Variants in CFAP53 observed in about 807,000 individuals in gnomAD.
CFAP53 encodes cilia- and flagella-associated protein 53.
In CFAP53, 62 loss-of-function variants were observed where a neutral mutation model predicts 59.7. That is an observed-to-expected ratio of 1.04 (90% CI 0.85 to 1.28). The LOEUF (loss-of-function observed/expected upper bound fraction) is 1.28, where lower values mean the gene tolerates loss of function less well. Among genes scored for constraint, CFAP53 ranks in the 50% most tolerant of loss-of-function variants. The pLI, the probability that CFAP53 is intolerant of heterozygous loss-of-function variation, is 0.00. For synonymous variants in CFAP53, 218 were observed against 205.7 expected, an observed-to-expected ratio of 1.06 and a Z score of -0.51; for missense variants, 629 against 615.6, an observed-to-expected ratio of 1.02 and a Z score of -0.23.
chr18:50,243,685 C>G (rs569551701), intron 5 of CFAP53, among the ~76,000 whole-genome samples: 5 of 152,304 alleles, frequency 3.3e-5, no homozygotes, highest in South Asian at 2.1e-4. Context: ...GGCTCAGTGG[C>G]TCAAGCCTGT....
At chr18:50,240,872 C>A (rs921019560) in intron 6 of CFAP53, among the ~76,000 whole-genome samples, 2 of 152,210 alleles carry the variant, frequency 1.3e-5, no homozygotes, top group East Asian at 1.9e-4. Context: ...GTGTTTATTG[C>A]CGCTCTGGTC....
At chr18:50,238,252 T>C (rs975513124) in intron 7 of CFAP53, among the ~76,000 whole-genome samples, 1 of 152,190 alleles carries the variant, frequency 6.6e-6, no homozygotes, top group East Asian at 1.9e-4. Flanking sequence ...GTTGAAAATC[T>C]GTTTTAGTTT....
Position 50,251,741 on chromosome 18 carries a change from G to C in CFAP53, c.517C>G (p.Gln173Glu). 2 of 1,614,160 alleles carry C rather than the reference G, an allele frequency of 1.2e-6. No homozygotes were observed. The highest frequency in any genetic ancestry group is 8.5e-7 in the Non-Finnish European group (1 of 1,180,054). ...ELRVELLSIH[Q>E]KKVCEERKAQ... ...TTCCGCTCCTCACACACCTTCTTCT[G>C]ATGGATAGATAACAATTCAACACGG... The change falls in exon 4 of 8, where the codon CAG becomes GAG. Residue 173 changes from glutamine (Q) to glutamate (E), a missense_variant. Physicochemically the swap from Gln to Glu is conservative, Grantham distance 29. Transcript: ENST00000398545.
intron 7 of CFAP53, among the ~76,000 whole-genome samples, chr18:50,231,512 T>C (rs1432146955): frequency 5.3e-5 from 8 of 152,134 alleles, no homozygotes; most frequent in African/African-American, 1.9e-4. Context: ...CTACCTACAC[T>C]CCTGTGGGAC....
intron 3 of CFAP53, among the ~76,000 whole-genome samples, chr18:50,255,532 C>T (rs1281289591): frequency 6.6e-6 from 1 of 151,138 alleles, no homozygotes; most frequent in African/African-American, 2.4e-5. Flanking sequence ...ACTATCTGTG[C>T]ACTTTCTGTA....
At chr18:50,242,826 G>T (rs1038673421) in intron 6 of CFAP53, 74 bp downstream of exon 6, 27 of 1,192,942 alleles carry the variant, frequency 2.3e-5, no homozygotes, top group Non-Finnish European at 3.2e-5. Context: ...AAGTATTATG[G>T]TTGTTAGTAT....
rs114047970 is a variant in CFAP53, at chr18:50,257,087, T to G, written c.473+3977A>C. Among the ~76,000 whole-genome samples the G allele has an allele frequency of 9.4e-3, 1,433 of 151,920 alleles. 24 individuals carry two copies. Among genetic ancestry groups the G allele is most frequent in the African/African-American group, 0.033 (1,385 of 41,364 alleles). ...CAGGTAATATTTTGGACTGTAAAAATCCCTTCTGAATACAAAAACTTTAGC... is the reference window on the plus strand; with the variant it reads ...CAGGTAATATTTTGGACTGTAAAAAGCCCTTCTGAATACAAAAACTTTAGC... On this transcript the variant is annotated intron_variant, in intron 3 of 7. Coordinates refer to ENST00000398545, the MANE Select transcript of CFAP53 (RefSeq NM_145020.5).
chr18:50,236,306 A>G (rs949969115), intron 7 of CFAP53, among the ~76,000 whole-genome samples: 5 of 152,010 alleles, frequency 3.3e-5, no homozygotes, highest in Non-Finnish European at 4.4e-5. Flanking sequence ...TTCTCTAGTT[A>G]ATCTGCCTGT....
chr18:50,230,659 T>C (rs971671851), intron 7 of CFAP53, among the ~76,000 whole-genome samples: 1 of 152,188 alleles, frequency 6.6e-6, no homozygotes, highest in Non-Finnish European at 1.5e-5. Context: ...TAGCATCTGG[T>C]GTCTGAAGTG....
chr18:50,246,603 A>G (rs2033747613), intron 5 of CFAP53, among the ~76,000 whole-genome samples: 1 of 152,262 alleles, frequency 6.6e-6, no homozygotes, highest in Non-Finnish European at 1.5e-5. Flanking sequence ...ATAAGCAACA[A>G]AAGAAAATAT....
intron 1 of CFAP53, among the ~76,000 whole-genome samples, chr18:50,263,537 G>A (rs1460808380): frequency 6.6e-6 from 1 of 152,168 alleles, no homozygotes; most frequent in East Asian, 1.9e-4. Flanking sequence ...TGATGCTGGG[G>A]GTTATATCAT....
chr18:50,261,793 T>G (rs747639065), intron 2 of CFAP53, among the ~76,000 whole-genome samples, 197 bp downstream of exon 2: 1 of 152,206 alleles, frequency 6.6e-6, no homozygotes. Flanking sequence ...TAATGAAATA[T>G]GAAACAATAT....
chr18:50,254,910 T>G (rs964781438), intron 3 of CFAP53, among the ~76,000 whole-genome samples: 27 of 152,108 alleles, frequency 1.8e-4, no homozygotes, highest in African/African-American at 6.5e-4. Context: ...CAAAACAAAT[T>G]TGCATATGAT....
intron 1 of CFAP53, among the ~76,000 whole-genome samples, chr18:50,263,289 T>A (rs146281915): frequency 1.3e-5 from 2 of 152,298 alleles, no homozygotes; most frequent in East Asian, 3.9e-4. Flanking sequence ...GGGTGCTGAT[T>A]CACAGAAACA....
chr18:50,244,238 T>C (rs1219677382), intron 5 of CFAP53, among the ~76,000 whole-genome samples: 1 of 152,186 alleles, frequency 6.6e-6, no homozygotes, highest in Non-Finnish European at 1.5e-5. Flanking sequence ...GTAATTCCCA[T>C]GTGTGAGGGG....
Position 50,251,643 on chromosome 18 carries a change from CCA to C in CFAP53, c.613_614del (p.Trp205GlyfsTer57), listed in dbSNP as rs1568157006. The C allele has an allele frequency of 1.9e-6, 3 of 1,614,082 alleles. No individual in the cohort carries two copies. In the Admixed American group the frequency reaches 5.0e-5, roughly 27 times the overall value. ...LVEEQMFSKLWEEDRLAKEKR... is the reference protein window; with the variant it reads ...LVEEQMFSKLXEEDRLAKEKR... ...TTTCCTTGGCTAATCGGTCTTCCTC[CCA>C]GAGTTTGGAGAACATCTGCTCTTCC... is the stretch of plus-strand genomic sequence containing the variant. On this transcript the variant is annotated frameshift_variant, in exon 4 of 8. Transcript: ENST00000398545. LOFTEE classifies it high-confidence loss of function.
intron 6 of CFAP53, among the ~76,000 whole-genome samples, chr18:50,241,067 G>A (rs572596808): frequency 3.3e-5 from 5 of 152,320 alleles, no homozygotes; most frequent in East Asian, 1.9e-4. Context: ...TAAGCATCTC[G>A]CAGGGCTGAC....
chr18:50,262,830 G>A (rs1327316166), intron 1 of CFAP53, among the ~76,000 whole-genome samples: 1 of 152,156 alleles, frequency 6.6e-6, no homozygotes, highest in Non-Finnish European at 1.5e-5. Flanking sequence ...GAAATGAAGT[G>A]AGGGAGGAAG....
chr18:50,259,858 G>A (rs1479686682), intron 3 of CFAP53, among the ~76,000 whole-genome samples: 1 of 152,150 alleles, frequency 6.6e-6, no homozygotes, highest in Non-Finnish European at 1.5e-5. Context: ...CCAAATAACA[G>A]CAATTCTTAA....
Sources: gnomAD v4.1 joint callset for allele counts (sites outside exome capture counted in the v4.1 genomes callset) on GRCh38, gnomAD v4.1.1 for gene constraint, MANE v1.5 for transcripts, NCBI Gene and HGNC (gene_info 2026-07-23, HGNC 2026-07-21) for gene names.